ZNF385D: variants seen among roughly 807,000 people sequenced by gnomAD.
ZNF385D encodes the protein zinc finger protein 659.
In ZNF385D, 15 loss-of-function variants were observed where a neutral mutation model predicts 35.8. The ratio of observed to expected loss-of-function variants is 0.42; its 90% confidence interval spans 0.28 to 0.64. The LOEUF is 0.64. Among genes scored for constraint, ZNF385D ranks in the 30% least tolerant of loss-of-function variants. The pLI, the probability that ZNF385D is intolerant of heterozygous loss-of-function variation, is 0.23. For synonymous variants in ZNF385D, 212 were observed against 186.8 expected (o/e 1.13, Z -1.10); for missense variants, 474 against 494.6 (o/e 0.96, Z 0.39).
At chr3:22,317,407 A>G (rs1446752632) in intron 2 of ZNF385D, among the ~76,000 whole-genome samples, 1 of 152,082 alleles carries the variant, frequency 6.6e-6, no homozygotes, top group African/African-American at 2.4e-5. Context: ...CTGGAAAATA[A>G]AAGAGACTGG....
intron 1 of ZNF385D, among the ~76,000 whole-genome samples, chr3:21,709,935 C>T (rs2068038913): frequency 6.6e-6 from 1 of 152,092 alleles, no homozygotes. Flanking sequence ...TACGGCACAC[C>T]CATACGTGGA....
chr3:21,945,163 C>CACATAT (rs1553704371), intron 3 of ZNF385D, among the ~76,000 whole-genome samples: 2 of 123,388 alleles, frequency 1.6e-5, no homozygotes, highest in African/African-American at 3.8e-5. Context: ...TATACACACA[C>CACATAT]ATATATATAT....
At chr3:21,483,187 T>A (rs573683502) in intron 4 of ZNF385D, among the ~76,000 whole-genome samples, 1 of 152,208 alleles carries the variant, frequency 6.6e-6, no homozygotes, top group Non-Finnish European at 1.5e-5. Context: ...CTGGGAACTA[T>A]GCTATGTCTT....
chr3:21,930,703 C>G lies in ZNF385D; in HGVS notation c.325+238114G>C, dbSNP rs548634885. 2.1e-3 allele frequency among the ~76,000 whole-genome samples: 323 copies of G among 152,096 alleles called. 2 individuals are homozygous for G. Among genetic ancestry groups the G allele is most frequent in the African/African-American group, 7.4e-3 (308 of 41,502 alleles). On this transcript the variant is annotated intron_variant, in intron 3 of 5. Coordinates refer to the ZNF385D transcript ENST00000494108. ...GGTCAACTGATTTTTGACAATGAAG[C>G]CAAGGCAAGTCAGTGAGAGGAATGA...
intron 3 of ZNF385D, among the ~76,000 whole-genome samples, chr3:22,147,323 G>C (rs1228317333): frequency 6.6e-6 from 1 of 152,084 alleles, no homozygotes; most frequent in East Asian, 1.9e-4. Context: ...CAGTTCCAAC[G>C]GTAGGCATGG....
intron 3 of ZNF385D, among the ~76,000 whole-genome samples, chr3:21,806,265 T>C (rs1878013): frequency 0.23 from 34,917 of 151,088 alleles, 4,190 homozygotes; most frequent in East Asian, 0.41. Context: ...ACTCTTTTTG[T>C]ATTTGGTACC....
chr3:22,102,867 C>A lies in ZNF385D; in HGVS notation c.325+65950G>T, dbSNP rs150609595. Among the ~76,000 whole-genome samples, 313 of 145,872 alleles carry A rather than the reference C, an allele frequency of 2.1e-3. 14 individuals are homozygous for A. The East Asian group carries it at 0.047, about 22-fold the overall frequency. On this transcript the variant is annotated intron_variant, in intron 3 of 5. Coordinates refer to the ZNF385D transcript ENST00000494108. ...TTTTTTTATTTTGATACATGTTTGTCTTCCCTAATAAACTGTGAATTTATC... is the reference window on the plus strand; with the variant it reads ...TTTTTTTATTTTGATACATGTTTGTATTCCCTAATAAACTGTGAATTTATC...
intron 2 of ZNF385D, among the ~76,000 whole-genome samples, chr3:22,260,831 C>T (rs921834223): frequency 6.6e-6 from 1 of 151,930 alleles, no homozygotes; most frequent in Non-Finnish European, 1.5e-5. Context: ...AAATCATAGC[C>T]AGATTTTCAA....
At chr3:21,547,093 G>T (rs2062400210) in intron 3 of ZNF385D, among the ~76,000 whole-genome samples, 1 of 152,040 alleles carries the variant, frequency 6.6e-6, no homozygotes, top group African/African-American at 2.4e-5. Context: ...TTTGAAAAAT[G>T]CCTTTTTATT....
At chr3:21,710,733 T>C (rs2068069794) in intron 1 of ZNF385D, among the ~76,000 whole-genome samples, 1 of 152,214 alleles carries the variant, frequency 6.6e-6, no homozygotes, top group African/African-American at 2.4e-5. Context: ...CTTTGAAGCA[T>C]GAATGCTTGA....
intron 2 of ZNF385D, among the ~76,000 whole-genome samples, chr3:22,327,083 A>C (rs1489286769): frequency 6.6e-6 from 1 of 152,226 alleles, no homozygotes; most frequent in Non-Finnish European, 1.5e-5. Flanking sequence ...TAAAAAAATG[A>C]AAAAGTGCAA....
At chr3:22,083,523 G>C (rs111735710) in intron 3 of ZNF385D, among the ~76,000 whole-genome samples, 2 of 151,764 alleles carry the variant, frequency 1.3e-5, no homozygotes, top group Non-Finnish European at 2.9e-5. Context: ...GAGAAGAGAA[G>C]TTTAGAGAAA....
rs114915008 is a variant in ZNF385D, at chr3:22,085,162, A to C, written c.325+83655T>G. Among the ~76,000 whole-genome samples, 709 of 150,250 alleles carry C rather than the reference A, an allele frequency of 4.7e-3. 11 individuals carry two copies. Among genetic ancestry groups the C allele is most frequent in the African/African-American group, 0.016 (681 of 41,532 alleles). On this transcript the variant is annotated intron_variant, in intron 3 of 5. Transcript: ENST00000494108. ...TCGACACCCTAACATCACAATTAAG[A>C]ATAAACTAGAGAAGCAAGAGCGAAC...
chr3:21,781,237 G>A (rs2071477260), intron 3 of ZNF385D, among the ~76,000 whole-genome samples: 1 of 151,970 alleles, frequency 6.6e-6, no homozygotes, highest in South Asian at 2.1e-4. Flanking sequence ...AGGAAAAGAA[G>A]GAGCTTTAGG....
intron 3 of ZNF385D, among the ~76,000 whole-genome samples, chr3:21,947,039 T>C (rs762588485): frequency 3.0e-4 from 45 of 152,300 alleles, no homozygotes; most frequent in Middle Eastern, 6.8e-3. Context: ...AGAAATGTCT[T>C]GTGAATCTAT....
chr3:22,215,488 A>T (rs1239494031), intron 2 of ZNF385D, among the ~76,000 whole-genome samples: 2 of 152,012 alleles, frequency 1.3e-5, no homozygotes, highest in African/African-American at 4.8e-5. Flanking sequence ...TGTAAGGATG[A>T]AATAAGCCCC....
chr3:21,532,774 GTTCA>G (rs1428951867), intron 3 of ZNF385D, among the ~76,000 whole-genome samples: 1 of 151,656 alleles, frequency 6.6e-6, no homozygotes, highest in Non-Finnish European at 1.5e-5. Context: ...CATATATAGA[GTTCA>G]TTCAGCACTT....
At chr3:21,623,919 C>T (rs574490353) in intron 2 of ZNF385D, among the ~76,000 whole-genome samples, 17 of 152,006 alleles carry the variant, frequency 1.1e-4, no homozygotes, top group South Asian at 2.1e-4. Context: ...TGCATGTTGA[C>T]GGGTTTGAAG....
chr3:21,518,014 G>C (rs1707685471), intron 3 of ZNF385D, among the ~76,000 whole-genome samples: 1 of 152,068 alleles, frequency 6.6e-6, no homozygotes, highest in African/African-American at 2.4e-5. Flanking sequence ...TCAGTAATGG[G>C]TACTTTACAA....
Sources: allele counts gnomAD v4.1 joint callset (sites outside exome capture counted in the v4.1 genomes callset), GRCh38; gene constraint gnomAD v4.1.1; transcripts MANE v1.5; gene names NCBI Gene and HGNC (gene_info 2026-07-23, HGNC 2026-07-21).